The following C2orf49 variants were observed in gnomAD, a reference collection of about 807,000 sequenced individuals.
C2orf49 encodes tRNA-splicing ligase complex subunit ASW.
Under a neutral mutation model 20.6 loss-of-function variants are expected in C2orf49, and 11 were observed. The ratio of observed to expected loss-of-function variants is 0.53; its 90% confidence interval spans 0.34 to 0.88. The LOEUF is 0.88. Among genes scored for constraint, C2orf49 ranks in the 40% least tolerant of loss-of-function variants. The probability of loss-of-function intolerance (pLI) is 0.02; values close to 1 mark genes in which losing one functional copy is unlikely to be tolerated. For missense variants in C2orf49, 289 were observed against 274.2 expected (o/e 1.05, Z -0.38); for synonymous variants, 134 against 108.5 (o/e 1.24, Z -1.46).
chr2:105,354,861 A>C, the C2orf49 span, among the ~76,000 whole-genome samples: 2 of 152,206 alleles, frequency 1.3e-5, no homozygotes, highest in Non-Finnish European at 2.9e-5. Flanking sequence ...TACAATATTT[A>C]TAATTAGGTT....
chr2:105,339,689 G>C lies in C2orf49; in HGVS notation c.206G>C (p.Arg69Thr), dbSNP rs1183295939. Reference sequence around the variant, plus strand: ...CCTCAGAGGGATTTGCCGAAGAATAGATGGGGGAAAATGATGGAAAAGAAA... The same window carrying C: ...CCTCAGAGGGATTTGCCGAAGAATACATGGGGGAAAATGATGGAAAAGAAA... ...PLPQRDLPKN[R>T]WGKMMEKKRE... The change falls in exon 2 of 4, where the codon AGA (arginine) becomes ACA (threonine). Residue 69 changes from arginine (R) to threonine (T), a missense_variant. By Grantham distance (71) the Arg-to-Thr change is moderately conservative. Coordinates refer to ENST00000258457, the MANE Select transcript of C2orf49 (RefSeq NM_024093.3). 1 of 1,608,008 alleles carries C rather than the reference G, an allele frequency of 6.2e-7. No individual in the cohort carries two copies. Among genetic ancestry groups the C allele is most frequent in the East Asian group, 2.2e-5 (1 of 44,578 alleles).
chr2:105,354,437 G>A, the C2orf49 span, among the ~76,000 whole-genome samples: 1 of 152,092 alleles, frequency 6.6e-6, no homozygotes, highest in East Asian at 1.9e-4. Context: ...GGCCGAGGTG[G>A]GCTGGTAACT....
Position 105,349,099 on chromosome 2 carries a change from C to T in C2orf49, c.*3728C>T, listed in dbSNP as rs1392865813. 6.6e-6 allele frequency: 1 copy of T among 152,102 alleles called. No individual in the cohort carries two copies. The highest frequency in any genetic ancestry group is 1.5e-5 in the Non-Finnish European group (1 of 68,012). The allele number at this position is 152,102 out of a possible 1,614,324, so 9.4% of individuals were successfully genotyped here. A position where few individuals can be genotyped will look rare whatever the true frequency, so the allele number is the denominator to read the frequency against. ...AACAAAATGAGACAAACTAGAGATTCAGTTGAGAGATTTTATGTTAGAGTG... is the reference window on the plus strand; with the variant it reads ...AACAAAATGAGACAAACTAGAGATTTAGTTGAGAGATTTTATGTTAGAGTG... On this transcript the variant is annotated 3_prime_UTR_variant, in exon 4 of 4. Coordinates refer to ENST00000258457, the MANE Select transcript of C2orf49 (RefSeq NM_024093.3).
the C2orf49 span, chr2:105,377,739 T>C: frequency 1.9e-5 from 5 of 267,772 alleles, no homozygotes; most frequent in African/African-American, 1.1e-4. Flanking sequence ...CATAGAGGAC[T>C]GCTCGTTTGG....
intron 2 of C2orf49, among the ~76,000 whole-genome samples, chr2:105,340,018 T>A (rs1679623952): frequency 6.6e-6 from 1 of 152,182 alleles, no homozygotes; most frequent in African/African-American, 2.4e-5. Flanking sequence ...TTTGGTAAAT[T>A]ATCCAGGAAG....
chr2:105,342,797 G>C lies in C2orf49; in HGVS notation c.267-51G>C, dbSNP rs776207531. 3.2e-6 allele frequency: 5 copies of C among 1,546,030 alleles called. No homozygotes were observed. In the East Asian group the frequency reaches 6.8e-5, roughly 21 times the overall value. ...ATTTTAACTTGAATCCCAGTGAACTGGTTTGCCGTTCCAGATGGTATTTTT... is the reference window on the plus strand; with the variant it reads ...ATTTTAACTTGAATCCCAGTGAACTCGTTTGCCGTTCCAGATGGTATTTTT... On this transcript the variant is annotated intron_variant, in intron 2 of 3. Coordinates refer to ENST00000258457, the MANE Select transcript of C2orf49 (RefSeq NM_024093.3).
At chr2:105,373,828 G>A in the C2orf49 span, 55 of 1,327,188 alleles carry the variant, frequency 4.1e-5, no homozygotes, top group Admixed American at 6.0e-4. Flanking sequence ...GGGCAAACAA[G>A]GAAAGAAGTT....
chr2:105,371,116 C>T, the C2orf49 span, among the ~76,000 whole-genome samples: 4 of 152,080 alleles, frequency 2.6e-5, no homozygotes, highest in Non-Finnish European at 4.4e-5. Context: ...TCTTTCCCTC[C>T]CCAGTAAACA....
rs1056394200 is a variant in C2orf49 at position 105,346,865 on chromosome 2, C to A, written c.*1494C>A. On this transcript the variant is annotated 3_prime_UTR_variant, in exon 4 of 4. Transcript: ENST00000258457. ...GAAATCAGTGGGAAAATAGGGTTTA[C>A]CTTATATTCATGAGTTCTAGTTTCT... 35 of 152,104 alleles carry A rather than the reference C, an allele frequency of 2.3e-4. No homozygotes were observed. The highest frequency in any genetic ancestry group is 8.2e-4 in the African/African-American group (34 of 41,410). 9.4% of individuals were successfully genotyped at this position (152,104 alleles called of 1,614,324 possible).
the C2orf49 span, among the ~76,000 whole-genome samples, chr2:105,384,705 GC>G: frequency 6.6e-6 from 1 of 152,166 alleles, no homozygotes; most frequent in Non-Finnish European, 1.5e-5. Flanking sequence ...ACAGGGTTTC[GC>G]CATGTTGGCC....
chr2:105,359,254 T>A, the C2orf49 span: 22 of 152,216 alleles, frequency 1.4e-4, no homozygotes, highest in African/African-American at 4.6e-4. Context: ...ATGGTTTTAA[T>A]GAGGAACAAG....
the C2orf49 span, chr2:105,375,146 T>C: frequency 1.3e-5 from 2 of 152,288 alleles, no homozygotes; most frequent in African/African-American, 4.8e-5. Flanking sequence ...TGTGTGTGTG[T>C]GTGTGTGTGT....
At chr2:105,360,403 C>G in the C2orf49 span, 3 of 150,710 alleles carry the variant, frequency 2.0e-5, no homozygotes, top group Admixed American at 2.0e-4. Context: ...GTCTTCCAGG[C>G]TGGAGTTCAG....
Position 105,346,762 on chromosome 2 carries a change from C to CTG in C2orf49, c.*1393_*1394dup, listed in dbSNP as rs2104455027. 6.6e-6 allele frequency: 1 copy of CTG among 152,226 alleles called. No homozygotes were observed. Among genetic ancestry groups the CTG allele is most frequent in the Admixed American group, 6.5e-5 (1 of 15,284 alleles). 9.4% of individuals were successfully genotyped at this position (152,226 alleles called of 1,614,324 possible). A position where few individuals can be genotyped will look rare whatever the true frequency, so the allele number is the denominator to read the frequency against. On this transcript the variant is annotated 3_prime_UTR_variant, in exon 4 of 4. Coordinates refer to ENST00000258457, the MANE Select transcript of C2orf49 (RefSeq NM_024093.3). ...TGTAATATAGACAATTCCCACATGGCTGTTCTACACAGAATTACCTGCTAA... is the reference window on the plus strand; with the variant it reads ...TGTAATATAGACAATTCCCACATGGCTGTGTTCTACACAGAATTACCTGCTAA...
chr2:105,374,769 C>G, the C2orf49 span, among the ~76,000 whole-genome samples: 1 of 152,302 alleles, frequency 6.6e-6, no homozygotes, highest in South Asian at 2.1e-4. Context: ...AAATAACAAT[C>G]TCTTTATGCC....
chr2:105,337,703 CGGAGGGTGGGCGGGT>C lies in C2orf49; in HGVS notation c.99+20_99+34del. ...CTGGAGCAGGTTGGGCGCGCCGGAT[CGGAGGGTGGGCGGGT>C]GGGCCTTCCCAGGTGAGGCGCTTGC... On this transcript the variant is annotated intron_variant, in intron 1 of 3. Coordinates refer to ENST00000258457, the MANE Select transcript of C2orf49 (RefSeq NM_024093.3). The C allele has an allele frequency of 1.0e-5, 1 of 99,746 alleles. No individual in the cohort carries two copies. The highest frequency in any genetic ancestry group is 1.3e-5 in the Non-Finnish European group (1 of 74,186). 6.2% of individuals were successfully genotyped at this position (99,746 alleles called of 1,614,324 possible).
chr2:105,376,976 G>A, the C2orf49 span, among the ~76,000 whole-genome samples: 2 of 152,216 alleles, frequency 1.3e-5, no homozygotes, highest in Non-Finnish European at 2.9e-5. Context: ...TCACATTCAT[G>A]GAGACAGAAA....
At chr2:105,354,447 T>C in the C2orf49 span, among the ~76,000 whole-genome samples, 5 of 152,064 alleles carry the variant, frequency 3.3e-5, no homozygotes, top group African/African-American at 1.2e-4. Context: ...GGCTGGTAAC[T>C]TGAGGTCAGG....
chr2:105,356,365 T>A, the C2orf49 span, among the ~76,000 whole-genome samples: 3 of 152,236 alleles, frequency 2.0e-5, no homozygotes, highest in South Asian at 4.2e-4. Context: ...CACTACAGCC[T>A]GGGCGACAGA....
Sources: gnomAD v4.1 joint callset for allele counts (sites outside exome capture counted in the v4.1 genomes callset) on GRCh38, gnomAD v4.1.1 for gene constraint, MANE v1.5 for transcripts, NCBI Gene and HGNC (gene_info 2026-07-23, HGNC 2026-07-21) for gene names.